SELENON: variants seen among roughly 807,000 people sequenced by gnomAD.
SELENON encodes selenoprotein N, also known as selenoprotein N, 1.
Under a neutral mutation model 59.5 loss-of-function variants are expected in SELENON, and 44 were observed. The ratio of observed to expected loss-of-function variants is 0.74; its 90% CI spans 0.58 to 0.95. The LOEUF is 0.95. Ranked by LOEUF, SELENON falls within the 40% of genes least tolerant of loss-of-function variation. The pLI is 0.00. For synonymous variants in SELENON, 320 were observed against 305.6 expected (o/e 1.05, Z -0.49); for missense variants, 674 against 721.4 (o/e 0.93, Z 0.75).
chr1:25,814,026 CG>C (rs1557433764), intron 11 of SELENON, 33 bp downstream of exon 10: 1 of 1,611,078 alleles, frequency 6.2e-7, no homozygotes, highest in South Asian at 1.1e-5. Context: ...CAGGAGCGTC[CG>C]GAACAGTGGT....
intron 10 of SELENON, 124 bp downstream of exon 9, chr1:25,812,916 T>A: frequency 1.4e-6 from 1 of 726,138 alleles, no homozygotes; most frequent in Non-Finnish European, 2.3e-6. Context: ...CTGCCCATGG[T>A]AGGGGCGTGG....
Position 25,808,697 on chromosome 1 carries a change from G to A in SELENON, c.655G>A (p.Glu219Lys), listed in dbSNP as rs2047931261. 1 of 1,614,130 alleles carries A rather than the reference G, an allele frequency of 6.2e-7. No homozygotes were observed. Among genetic ancestry groups the A allele is most frequent in the Non-Finnish European group, 8.5e-7 (1 of 1,179,998 alleles). Residue 219 changes from glutamate to lysine, a missense_variant, in exon 5 of 13, where the codon GAG becomes AAG. Physicochemically the swap from Glu to Lys is moderately conservative, Grantham distance 56 (BLOSUM62 1). Transcript: ENST00000361547. Reference sequence around the variant, plus strand: ...TCCCCCGCCAGGCCAGGAGCTGGGTGAGCCCTGGTGGATCATCCCCAGTGA... The same window carrying A: ...TCCCCCGCCAGGCCAGGAGCTGGGTAAGCCCTGGTGGATCATCCCCAGTGA...
intron 2 of SELENON, chr1:25,801,995 T>C (rs923476423): frequency 5.4e-6 from 1 of 184,478 alleles, no homozygotes; most frequent in Admixed American, 5.9e-5. Context: ...AGCTATAACT[T>C]TTTTTTTTTT....
intron 7 of SELENON, among the ~76,000 whole-genome samples, chr1:25,810,867 G>A: frequency 6.6e-6 from 1 of 152,170 alleles, no homozygotes; most frequent in Non-Finnish European, 1.5e-5. Context: ...GGGACAGGAG[G>A]AGAGAGGCAG....
chr1:25,812,735 A>AGG lies in SELENON; in HGVS notation c.1330_1331insGG (p.Asn444ArgfsTer?). ...GGCCTTCGACCGAGCCAAGGCTGAG[A>AGG]ACAAGCTGGTGCACTCAATCCTGCT... is the stretch of plus-strand genomic sequence containing the variant. On this transcript the variant is annotated frameshift_variant, in exon 10 of 13. Transcript: ENST00000361547. LOFTEE classifies it high-confidence loss of function. 1 of 1,613,500 alleles carries AGG rather than the reference A, an allele frequency of 6.2e-7. No homozygotes were observed. The highest frequency in any genetic ancestry group is 8.5e-7 in the Non-Finnish European group (1 of 1,179,860).
intron 6 of SELENON, among the ~76,000 whole-genome samples, 184 bp downstream of exon 5, chr1:25,809,334 C>T (rs886258036): frequency 6.6e-6 from 1 of 152,200 alleles, no homozygotes; most frequent in Non-Finnish European, 1.5e-5. Context: ...ATGACTTCCT[C>T]GTAAGGCACG....
intron 7 of SELENON, among the ~76,000 whole-genome samples, chr1:25,810,635 C>T (rs1291693287): frequency 1.3e-5 from 2 of 152,212 alleles, no homozygotes; most frequent in Admixed American, 6.5e-5. Flanking sequence ...TGGCCTACTT[C>T]ACCCACAGGG....
intron 7 of SELENON, among the ~76,000 whole-genome samples, chr1:25,811,213 C>T (rs761287564): frequency 3.9e-5 from 6 of 152,122 alleles, no homozygotes; most frequent in East Asian, 1.9e-4. Flanking sequence ...TTGTGAATTG[C>T]GAGGGGCAGG....
intron 9 of SELENON, among the ~76,000 whole-genome samples, 191 bp downstream of exon 8, chr1:25,812,070 C>T (rs1235234101): frequency 6.6e-6 from 1 of 152,224 alleles, no homozygotes; most frequent in Non-Finnish European, 1.5e-5. Flanking sequence ...AGGCCAGGTG[C>T]AATGGCTCAT....
At chr1:25,806,197 G>C (rs549378857) in intron 4 of SELENON, among the ~76,000 whole-genome samples, 1 of 152,260 alleles carries the variant, frequency 6.6e-6, no homozygotes, top group East Asian at 1.9e-4. Flanking sequence ...TCTGGGCCCA[G>C]GGGGCATGCA....
At chr1:25,808,432 C>CAT in intron 4 of SELENON, 148 bp from the exon 4 acceptor site, 11 of 848,598 alleles carry the variant, frequency 1.3e-5, no homozygotes, top group East Asian at 2.5e-5. Flanking sequence ...AGCTTGTGGC[C>CAT]ATCATAAGGG....
At position 25,815,635 on chromosome 1, in the gene SELENON, A is replaced by G; in HGVS notation, c.1690A>G (p.Thr564Ala). The change falls in exon 13 of 13, where the codon ACC becomes GCC. Residue 564 changes from threonine (T) to alanine (A), a missense_variant. Transcript: ENST00000361547. Reference sequence around the variant, plus strand: ...GAGCAATCTCTTCAGCTTCTCATCCACCTTTGAAGACCCGTCCACGGCCAC... The same window carrying G: ...GAGCAATCTCTTCAGCTTCTCATCCGCCTTTGAAGACCCGTCCACGGCCAC... The G allele has an allele frequency of 6.2e-7, 1 of 1,613,986 alleles. No homozygotes were observed. Among genetic ancestry groups the G allele is most frequent in the Non-Finnish European group, 8.5e-7 (1 of 1,179,986 alleles).
chr1:25,816,751 GTT>G lies in SELENON; in HGVS notation c.*1035_*1036del, dbSNP rs1572238824. ...GTGTTTTTACACAAACTTTCTCATG[GTT>G]TGTAGGTATTTTTTTATAACCCCAG... On this transcript the variant is annotated 3_prime_UTR_variant, in exon 13 of 13. Transcript: ENST00000361547. The G allele has an allele frequency of 6.6e-6, 1 of 152,648 alleles. No homozygotes were observed. The highest frequency in any genetic ancestry group is 6.5e-5 in the Admixed American group (1 of 15,286). 9.5% of individuals were successfully genotyped at this position (152,648 alleles called of 1,614,324 possible).
At position 25,800,196 on chromosome 1, in the gene SELENON, T is replaced by C. The variant is rs886038656; in HGVS notation, c.-35T>C. ...CCCGGCCCCGCCCCGCTCTTTCGCT[T>C]CCCGGGCCGCCGGCAGCCGCCGCCA... On this transcript the variant is annotated 5_prime_UTR_variant, in exon 1 of 13. Coordinates refer to ENST00000361547, the MANE Select transcript of SELENON (RefSeq NM_020451.3). The C allele has an allele frequency of 9.2e-4, 358 of 387,864 alleles. No individual in the cohort carries two copies. Among genetic ancestry groups the C allele is most frequent in the Non-Finnish European group, 1.1e-3 (329 of 288,302 alleles). 24.0% of individuals were successfully genotyped at this position (387,864 alleles called of 1,614,324 possible).
chr1:25,800,329 G>T lies in SELENON; in HGVS notation c.99G>T (p.Leu33=). 1 of 1,011,170 alleles carries T rather than the reference G, an allele frequency of 9.9e-7. No homozygotes were observed. Among genetic ancestry groups the T allele is most frequent in the Non-Finnish European group, 1.2e-6 (1 of 847,758 alleles). 62.6% of individuals were successfully genotyped at this position (1,011,170 alleles called of 1,614,324 possible). A position where few individuals can be genotyped will look rare whatever the true frequency, so the allele number is the denominator to read the frequency against. ...GCCGCCGCGCCCGTTCCCTGGCGCTGCTCGGAGCCCTGCTGGCCGCCGCCG... is the reference window on the plus strand; with the variant it reads ...GCCGCCGCGCCCGTTCCCTGGCGCTTCTCGGAGCCCTGCTGGCCGCCGCCG... Residue 33 remains leucine (L), a synonymous_variant, in exon 1 of 13, where the codon CTG becomes CTT. Coordinates refer to ENST00000361547, the MANE Select transcript of SELENON (RefSeq NM_020451.3).
At chr1:25,809,852 C>T in intron 7 of SELENON, 32 bp downstream of exon 6, 3 of 1,610,176 alleles carry the variant, frequency 1.9e-6, no homozygotes, top group Non-Finnish European at 2.5e-6. Flanking sequence ...AGCCTTGGCT[C>T]CCTCCTACAG....
At chr1:25,813,278 C>A (rs2047982256) in intron 10 of SELENON, among the ~76,000 whole-genome samples, 1 of 152,144 alleles carries the variant, frequency 6.6e-6, no homozygotes, top group Non-Finnish European at 1.5e-5. Flanking sequence ...CAAAGATGAA[C>A]AAAACAGTGC....
At chr1:25,814,768 C>T (rs2047996200) in intron 12 of SELENON, among the ~76,000 whole-genome samples, 1 of 152,190 alleles carries the variant, frequency 6.6e-6, no homozygotes, top group East Asian at 1.9e-4. Context: ...AGATCTCCAG[C>T]TCTTCTGATC....
intron 7 of SELENON, 99 bp downstream of exon 6, chr1:25,809,919 C>T: frequency 6.8e-7 from 1 of 1,470,212 alleles, no homozygotes. Flanking sequence ...CTGCCCCTTC[C>T]TTTGCTCCCC....
Sources: allele counts gnomAD v4.1 joint callset (sites outside exome capture counted in the v4.1 genomes callset), GRCh38; gene constraint gnomAD v4.1.1; transcripts MANE v1.5; gene names NCBI Gene and HGNC (gene_info 2026-07-23, HGNC 2026-07-21).